KMT2E: variants seen among roughly 807,000 people sequenced by gnomAD.
KMT2E encodes the protein lysine methyltransferase 2E (inactive).
In KMT2E, 30 loss-of-function variants were observed where a neutral mutation model predicts 184.6. The ratio of observed to expected loss-of-function variants is 0.16; its 90% CI spans 0.12 to 0.22. The LOEUF is 0.22. KMT2E is among the 10% of genes least tolerant of loss of function. The probability of loss-of-function intolerance (pLI) is 1.00; values close to 1 mark genes in which losing one functional copy is unlikely to be tolerated. For missense variants in KMT2E, 2,023 were observed against 2,237.4 expected (o/e 0.90, Z 1.93); for synonymous variants, 815 against 776.5 (o/e 1.05, Z -0.82).
chr7:105,111,938 C>G lies in KMT2E; in HGVS notation c.4182C>G (p.His1394Gln), dbSNP rs80217393. 1,018 of 1,614,122 alleles carry G rather than the reference C, an allele frequency of 6.3e-4. 12 individuals carry two copies. The African/African-American group carries it at 0.012, about 19-fold the overall frequency. The change falls in exon 27 of 27, where the codon CAC becomes CAG. Residue 1394 changes from histidine (H) to glutamine (Q), a missense_variant. His to Gln is a conservative substitution (Grantham distance 24). Transcript: ENST00000311117. ...VSASEAENGV[H>Q]LKTELQQKQL... ...CATCCGAAGCTGAAAATGGTGTTCA[C>G]CTAAAAACAGAGCTCCAACAAAAAC...
chr7:105,062,405 G>T (rs1796855225), intron 4 of KMT2E, 127 bp downstream of exon 4: 2 of 547,858 alleles, frequency 3.7e-6, no homozygotes, highest in African/African-American at 1.9e-5. Flanking sequence ...AAAATAATTA[G>T]GCGTTTAATT....
At chr7:105,105,812 C>T in intron 18 of KMT2E, 47 bp from the exon 19 acceptor site, 1 of 1,586,684 alleles carries the variant, frequency 6.3e-7, no homozygotes, top group African/African-American at 1.4e-5. Context: ...GCTATATAAA[C>T]AGCTACAAAG....
At position 105,110,494 on chromosome 7, in the gene KMT2E, G is replaced by T. The variant is rs370746393; in HGVS notation, c.3862G>T (p.Val1288Phe). The T allele has an allele frequency of 1.2e-6, 2 of 1,614,152 alleles. No homozygotes were observed. Among genetic ancestry groups the T allele is most frequent in the South Asian group, 1.1e-5 (1 of 91,076 alleles). ...DKDSGGESPCVSCSPSHVQSS... is the reference protein window; with the variant it reads ...DKDSGGESPCFSCSPSHVQSS... ...ATCTCTAGGGGGAGAATCACCATGT[G>T]TCTCATGTTCACCGAGTCATGTTCA... Residue 1288 changes from valine (V) to phenylalanine (F), a missense_variant, in exon 25 of 27, where the codon GTC (valine) becomes TTC (phenylalanine). Around this residue, in one of 8 missense-constraint regions of KMT2E, gnomAD observed 1,108 missense variants for 1,050.9 expected, o/e 1.05. Coordinates refer to ENST00000311117, the MANE Select transcript of KMT2E (RefSeq NM_182931.3).
intron 1 of KMT2E, among the ~76,000 whole-genome samples, chr7:105,018,700 C>T (rs768155792): frequency 6.6e-6 from 1 of 152,056 alleles, no homozygotes; most frequent in Non-Finnish European, 1.5e-5. Flanking sequence ...GTGAATGTTA[C>T]TGGCTTTTAG....
chr7:105,052,541 AT>A (rs1796391274), intron 3 of KMT2E, among the ~76,000 whole-genome samples: 1 of 151,708 alleles, frequency 6.6e-6, no homozygotes, highest in African/African-American at 2.4e-5. Flanking sequence ...CTTGAAGGTC[AT>A]TTTTTATTTT....
chr7:105,072,431 GAATA>G (rs1479650283), intron 6 of KMT2E, among the ~76,000 whole-genome samples: 1 of 152,158 alleles, frequency 6.6e-6, no homozygotes, highest in Non-Finnish European at 1.5e-5. Flanking sequence ...TGTGATGCTA[GAATA>G]AATATATTTC....
chr7:105,112,012 C>A lies in KMT2E; in HGVS notation c.4256C>A (p.Thr1419Lys). ...QALSKNHPPQ[T>K]HVRNSSEQLS... ...CTTTCAAAGAATCATCCTCCTCAGA[C>A]ACACGTTCGTAATTCATCTGAGCAA... The change falls in exon 27 of 27, where the codon ACA (threonine) becomes AAA (lysine). Residue 1419 changes from threonine (T) to lysine (K), a missense_variant. Physicochemically the swap from Thr to Lys is moderately conservative, Grantham distance 78. Transcript: ENST00000311117. 6.2e-7 allele frequency: 1 copy of A among 1,614,218 alleles called. No homozygotes were observed.
intron 1 of KMT2E, among the ~76,000 whole-genome samples, chr7:105,037,682 A>G (rs552390874): frequency 1.3e-5 from 2 of 152,136 alleles, no homozygotes; most frequent in Non-Finnish European, 2.9e-5. Context: ...TTATTTTAAC[A>G]CGGTCTTAAA....
chr7:105,031,577 C>T (rs999696591), intron 1 of KMT2E, among the ~76,000 whole-genome samples: 2 of 150,394 alleles, frequency 1.3e-5, no homozygotes, highest in South Asian at 2.1e-4. Flanking sequence ...TATGATGAAA[C>T]GCCATCTCTA....
intron 1 of KMT2E, among the ~76,000 whole-genome samples, chr7:105,028,330 G>A (rs545568377): frequency 1.4e-4 from 21 of 152,132 alleles, no homozygotes; most frequent in African/African-American, 4.1e-4. Flanking sequence ...CACCATGCCC[G>A]ACTAATCTTT....
At chr7:105,071,592 ATATATATATATATATATTTTTTTTTTTT>A (rs1797304028) in intron 6 of KMT2E, among the ~76,000 whole-genome samples, 1 of 54,310 alleles carries the variant, frequency 1.8e-5, no homozygotes, top group Non-Finnish European at 3.8e-5. Context: ...GTATATATAT[ATATATATATATATATATTTTTTTTTTTT>A]TTTTTTTTTT....
rs1260575541 is a variant in KMT2E, at chr7:105,113,046, C to A, written c.5290C>A (p.Gln1764Lys). The change falls in exon 27 of 27, where the codon CAA becomes AAA. Residue 1764 changes from glutamine (Q) to lysine (K), a missense_variant. Physicochemically the swap from Gln to Lys is moderately conservative, Grantham distance 53 (BLOSUM62 1). Transcript: ENST00000311117. ...AHPTVPPYPS[Q>K]ATHHTTLGPG... is the part of the protein sequence containing the mutation. ...TCCAACTGTACCACCGTATCCCTCA[C>A]AAGCTACACATCATACCACTTTGGG... The A allele has an allele frequency of 9.3e-6, 15 of 1,614,036 alleles. No individual in the cohort carries two copies. Among genetic ancestry groups the A allele is most frequent in the Non-Finnish European group, 1.3e-5 (15 of 1,180,030 alleles).
At position 105,112,556 on chromosome 7, in the gene KMT2E, A is replaced by C. The variant is rs1364560063; in HGVS notation, c.4800A>C (p.Pro1600=). 1.2e-6 allele frequency: 2 copies of C among 1,613,968 alleles called. No homozygotes were observed. The highest frequency in any genetic ancestry group is 1.3e-5 in the African/African-American group (1 of 74,862). ...LPGTTSQQTV[P]GHHVTPGHFL... is the part of the protein sequence containing the mutation. ...GCACCACAAGCCAGCAAACAGTTCC[A>C]GGACACCACGTGACTCCAGGGCATT... Residue 1600 remains proline, a synonymous_variant, in exon 27 of 27, where the codon CCA becomes CCC. Transcript: ENST00000311117.
intron 6 of KMT2E, 104 bp from the exon 7 acceptor site, chr7:105,073,515 T>C: frequency 1.4e-6 from 1 of 697,970 alleles, no homozygotes. Flanking sequence ...TTTTATACTG[T>C]TGGTTTTTCA....
rs186619928 is a variant in KMT2E at position 105,066,877 on chromosome 7, T to G, written c.497+70T>G. ...GTAATACTAGTTAACAGAAATTCCT[T>G]TATGAATTCGAGTTAAAAAATTAAT... On this transcript the variant is annotated intron_variant, in intron 6 of 26. Coordinates refer to ENST00000311117, the MANE Select transcript of KMT2E (RefSeq NM_182931.3). The G allele has an allele frequency of 4.4e-6, 5 of 1,130,604 alleles. No homozygotes were observed. The African/African-American group carries it at 7.6e-5, about 17-fold the overall frequency. 70.0% of individuals were successfully genotyped at this position (1,130,604 alleles called of 1,614,324 possible). A position where few individuals can be genotyped will look rare whatever the true frequency, so the allele number is the denominator to read the frequency against.
chr7:105,084,920 C>T (rs777136427), intron 13 of KMT2E, among the ~76,000 whole-genome samples: 5 of 152,000 alleles, frequency 3.3e-5, no homozygotes, highest in African/African-American at 4.8e-5. Context: ...CATGTAAGGT[C>T]TGTATGTGTG....
chr7:105,049,891 C>CA (rs971753932), intron 3 of KMT2E, among the ~76,000 whole-genome samples: 3 of 151,884 alleles, frequency 2.0e-5, no homozygotes, highest in Non-Finnish European at 4.4e-5. Flanking sequence ...AACTCCGTCT[C>CA]AAAAAAGATA....
intron 2 of KMT2E, among the ~76,000 whole-genome samples, chr7:105,039,575 T>C (rs950990753): frequency 3.3e-5 from 5 of 152,208 alleles, no homozygotes; most frequent in African/African-American, 1.2e-4. Context: ...TTTCACAGAT[T>C]ATACAGATTG....
intron 3 of KMT2E, among the ~76,000 whole-genome samples, chr7:105,052,486 C>T (rs1422265659): frequency 1.3e-5 from 2 of 152,118 alleles, no homozygotes; most frequent in Non-Finnish European, 2.9e-5. Flanking sequence ...CAATGGCTAG[C>T]ACAGGGTTTG....
Sources: allele counts gnomAD v4.1 joint callset (sites outside exome capture counted in the v4.1 genomes callset), GRCh38; gene constraint gnomAD v4.1.1; regional missense constraint gnomAD v4.1.1; transcripts MANE v1.5; gene names NCBI Gene and HGNC (gene_info 2026-07-23, HGNC 2026-07-21).